Variants in WWOX observed in about 807,000 individuals in gnomAD.
The protein encoded by WWOX is WW domain-containing oxidoreductase.
Under a neutral mutation model 46.2 loss-of-function variants are expected in WWOX, and 69 were observed. The ratio of observed to expected loss-of-function variants is 1.49; its 90% CI spans 1.23 to 1.82. WWOX has a LOEUF of 1.82. Among genes scored for constraint, WWOX ranks in the 40% most tolerant of loss-of-function variants. The probability of loss-of-function intolerance (pLI) is 0.00; values close to 1 mark genes in which losing one functional copy is unlikely to be tolerated. For missense variants in WWOX, 919 were observed against 542.6 expected (o/e 1.69, Z -6.89); for synonymous variants, 359 against 202.6 (o/e 1.77, Z -6.56).
intron 8 of WWOX, chr16:78,898,455 A>G (rs1464155998): frequency 2.6e-5 from 4 of 152,124 alleles, no homozygotes; most frequent in Non-Finnish European, 5.9e-5. Flanking sequence ...TTGACTATAT[A>G]TGTGTGGGTG....
intron 6 of WWOX, among the ~76,000 whole-genome samples, chr16:78,409,865 C>T (rs1397101389): frequency 2.0e-5 from 3 of 152,148 alleles, no homozygotes; most frequent in South Asian, 4.1e-4. Context: ...TAGCCACAAT[C>T]GGGAAAGGAT....
chr16:78,814,841 A>G (rs2051288923), intron 8 of WWOX, among the ~76,000 whole-genome samples: 1 of 152,192 alleles, frequency 6.6e-6, no homozygotes, highest in Non-Finnish European at 1.5e-5. Context: ...CTGCCCTTGC[A>G]AAACCACCCT....
chr16:78,320,386 A>T (rs2080442367), intron 5 of WWOX, among the ~76,000 whole-genome samples: 1 of 152,082 alleles, frequency 6.6e-6, no homozygotes, highest in Non-Finnish European at 1.5e-5. Context: ...ACTTCTGTGA[A>T]CTCCAAGTAG....
At chr16:78,283,551 C>T (rs2079717292) in intron 5 of WWOX, among the ~76,000 whole-genome samples, 2 of 152,158 alleles carry the variant, frequency 1.3e-5, no homozygotes, top group African/African-American at 4.8e-5. Flanking sequence ...GCTGGCCTTA[C>T]TGCTACAATT....
intron 8 of WWOX, among the ~76,000 whole-genome samples, chr16:78,616,454 G>A (rs1324846319): frequency 1.3e-5 from 2 of 151,566 alleles, no homozygotes; most frequent in Non-Finnish European, 1.5e-5. Context: ...GCAACTCTCT[G>A]GGGTATCTTT....
intron 8 of WWOX, among the ~76,000 whole-genome samples, chr16:78,777,336 G>T: frequency 6.6e-6 from 1 of 152,194 alleles, no homozygotes; most frequent in East Asian, 1.9e-4. Context: ...GTCCAGGACA[G>T]TGGCCCCATG....
chr16:78,538,211 C>T (rs1471858297), intron 8 of WWOX, among the ~76,000 whole-genome samples: 1 of 110,284 alleles, frequency 9.1e-6, no homozygotes, highest in Admixed American at 1.2e-4. Flanking sequence ...TAAGCTATCA[C>T]TCACACCAAA....
chr16:78,493,025 C>T (rs915713584), intron 8 of WWOX, among the ~76,000 whole-genome samples: 2 of 152,120 alleles, frequency 1.3e-5, no homozygotes, highest in South Asian at 2.1e-4. Context: ...GGTAAAGTGA[C>T]GTTTTGATGA....
At chr16:78,956,801 G>A (rs769129082) in intron 8 of WWOX, among the ~76,000 whole-genome samples, 1 of 152,176 alleles carries the variant, frequency 6.6e-6, no homozygotes, top group Non-Finnish European at 1.5e-5. Flanking sequence ...AACAAAGAGG[G>A]CAACAGGAGG....
In WWOX at chr16:78,935,506, CA is replaced by C. The variant is rs921385099; in HGVS notation, c.1057-276095del. The stretch of plus-strand genomic sequence containing the variant: ...CATTCTCAGCAAACTATCACAAGGA[CA>C]AAAAAACCAAACACTGCATGTTCTC... On this transcript the variant is annotated intron_variant, in intron 8 of 8. Transcript: ENST00000566780. 6.7e-5 allele frequency among the ~76,000 whole-genome samples: 10 copies of C among 149,610 alleles called. 1 individual carries two copies. The highest frequency in any genetic ancestry group is 2.2e-4 in the African/African-American group (9 of 40,528).
At chr16:79,101,476 C>A (rs1158626487) in intron 8 of WWOX, 1 of 152,154 alleles carries the variant, frequency 6.6e-6, no homozygotes, top group Non-Finnish European at 1.5e-5. Flanking sequence ...GGGAGAGATT[C>A]TTTCAAAAAT....
chr16:78,100,440 A>G lies in WWOX; in HGVS notation c.107+555A>G, dbSNP rs189641615. 5.3e-5 allele frequency among the ~76,000 whole-genome samples: 8 copies of G among 152,236 alleles called. No homozygotes were observed. In the East Asian group the frequency reaches 1.5e-3, roughly 29 times the overall value. ...ACTAATTTTTTAAGTATTTGTAGAG[A>G]CTAGGGTCGCACCATGTTGCCCAGG... On this transcript the variant is annotated intron_variant, in intron 1 of 8. Transcript: ENST00000566780.
chr16:78,638,185 A>G (rs2046620019), intron 8 of WWOX, among the ~76,000 whole-genome samples: 1 of 152,188 alleles, frequency 6.6e-6, no homozygotes, highest in African/African-American at 2.4e-5. Flanking sequence ...AGTTTAAAAA[A>G]CAGGAATGCT....
chr16:78,389,857 C>G (rs1318162121), intron 6 of WWOX, among the ~76,000 whole-genome samples: 1 of 152,168 alleles, frequency 6.6e-6, no homozygotes, highest in Non-Finnish European at 1.5e-5. Context: ...TCAAGCGATT[C>G]TCATGCCTCA....
intron 8 of WWOX, among the ~76,000 whole-genome samples, chr16:78,807,282 A>T (rs371227573): frequency 6.6e-6 from 1 of 152,232 alleles, no homozygotes; most frequent in African/African-American, 2.4e-5. Flanking sequence ...GATTAACAAC[A>T]TCTCATACCA....
chr16:78,555,957 A>T (rs1438131236), intron 8 of WWOX, among the ~76,000 whole-genome samples: 1 of 152,172 alleles, frequency 6.6e-6, no homozygotes, highest in African/African-American at 2.4e-5. Context: ...GCTGCTTATG[A>T]AATGCAAGGA....
At position 79,144,137 on chromosome 16, in the gene WWOX, C is replaced by T. The variant is rs184221193; in HGVS notation, c.1057-67471C>T. ...TTGTCTTGAACTCCTGGCCTCAAAG[C>T]GATCCTCCTGTCTCAGCCTCCCAAA... On this transcript the variant is annotated intron_variant, in intron 8 of 8. Transcript: ENST00000566780. 3.0e-4 allele frequency among the ~76,000 whole-genome samples: 45 copies of T among 152,228 alleles called. No homozygotes were observed. In the Middle Eastern group the frequency reaches 0.01, roughly 35 times the overall value.
chr16:78,614,081 T>C (rs1414305102), intron 8 of WWOX, among the ~76,000 whole-genome samples: 3 of 152,234 alleles, frequency 2.0e-5, no homozygotes, highest in Admixed American at 1.3e-4. Context: ...TTGCATGTTG[T>C]GTCACCCCTG....
chr16:78,274,406 T>C (rs2079539925), intron 5 of WWOX, among the ~76,000 whole-genome samples: 1 of 152,206 alleles, frequency 6.6e-6, no homozygotes, highest in Non-Finnish European at 1.5e-5. Flanking sequence ...TCCTACTGGT[T>C]TCTAAACTCT....
Sources: allele counts gnomAD v4.1 joint callset (sites outside exome capture counted in the v4.1 genomes callset), GRCh38; gene constraint gnomAD v4.1.1; transcripts MANE v1.5; gene names NCBI Gene and HGNC (gene_info 2026-07-23, HGNC 2026-07-21).